Variants in RBFOX1 observed in about 807,000 individuals in gnomAD.
RBFOX1 encodes the protein RNA binding fox-1 homolog 1, also known as RNA binding protein fox-1 homolog 1.
RBFOX1 carries 8 observed loss-of-function variants against 57.7 expected under a neutral mutation model. The observed-to-expected ratio is 0.14, with a 90% CI of 0.08 to 0.25. The LOEUF (loss-of-function observed/expected upper bound fraction) is 0.25, where lower values mean the gene tolerates loss of function less well. Ranked by LOEUF, RBFOX1 falls within the 10% of genes least tolerant of loss-of-function variation. The pLI is 1.00. For missense variants in RBFOX1, 611 were observed against 548.5 expected, an observed-to-expected ratio of 1.11 and a Z score of -1.14; for synonymous variants, 326 against 222.4, an observed-to-expected ratio of 1.47 and a Z score of -4.15.
intron 12 of RBFOX1, among the ~76,000 whole-genome samples, chr16:7,657,111 A>T (rs145092709): frequency 5.2e-4 from 79 of 152,294 alleles, no homozygotes; most frequent in African/African-American, 1.9e-3. Context: ...TGTTACTAAA[A>T]TACCAGTCAA....
intron 1 of RBFOX1, among the ~76,000 whole-genome samples, chr16:6,229,392 C>T (rs760494822): frequency 2.3e-4 from 35 of 152,310 alleles, no homozygotes; most frequent in Non-Finnish European, 4.1e-4. Context: ...TCTTGTGGAT[C>T]TCGTTTTCCC....
intron 3 of RBFOX1, among the ~76,000 whole-genome samples, chr16:6,883,767 G>A (rs1042638508): frequency 6.6e-6 from 1 of 151,926 alleles, no homozygotes; most frequent in Non-Finnish European, 1.5e-5. Context: ...GATGTTGTGA[G>A]CTGAAAATAC....
chr16:6,805,874 A>G (rs1339955981), intron 3 of RBFOX1, among the ~76,000 whole-genome samples: 2 of 152,130 alleles, frequency 1.3e-5, no homozygotes, highest in Non-Finnish European at 2.9e-5. Context: ...GCTCTTTCCA[A>G]CACGAATCAC....
intron 1 of RBFOX1, among the ~76,000 whole-genome samples, chr16:5,376,508 G>C (rs752141455): frequency 2.0e-5 from 3 of 152,178 alleles, no homozygotes; most frequent in African/African-American, 4.8e-5. Context: ...GGGATGAGCA[G>C]ACAGGGCAGT....
intron 2 of RBFOX1, among the ~76,000 whole-genome samples, chr16:6,524,576 T>G (rs1212710032): frequency 6.6e-6 from 1 of 152,126 alleles, no homozygotes; most frequent in East Asian, 1.9e-4. Flanking sequence ...TGAGTTTGTT[T>G]TGTGTTAAAA....
intron 1 of RBFOX1, among the ~76,000 whole-genome samples, chr16:6,028,843 T>C (rs1397088763): frequency 6.6e-6 from 1 of 152,218 alleles, no homozygotes; most frequent in Non-Finnish European, 1.5e-5. Flanking sequence ...AGAAAAGCTT[T>C]GAGAAGACTG....
chr16:6,228,688 C>G (rs553328086), intron 1 of RBFOX1, among the ~76,000 whole-genome samples: 8 of 152,146 alleles, frequency 5.3e-5, no homozygotes, highest in Middle Eastern at 3.4e-3. Context: ...TGGTCGGGTA[C>G]AAAATTTCAG....
At chr16:5,642,911 C>G (rs1254347377) in intron 3 of RBFOX1, among the ~76,000 whole-genome samples, 1 of 152,178 alleles carries the variant, frequency 6.6e-6, no homozygotes, top group Non-Finnish European at 1.5e-5. Context: ...CCTTGCCTTT[C>G]TCACCTGTCA....
intron 4 of RBFOX1, among the ~76,000 whole-genome samples, chr16:7,485,792 C>T (rs534744985): frequency 2.2e-4 from 34 of 152,352 alleles, no homozygotes; most frequent in Non-Finnish European, 4.7e-4. Flanking sequence ...TGACTATCTT[C>T]TGTGGCTCTC....
At chr16:5,670,315 A>G (rs2049979633) in intron 3 of RBFOX1, among the ~76,000 whole-genome samples, 2 of 152,182 alleles carry the variant, frequency 1.3e-5, no homozygotes, top group Non-Finnish European at 2.9e-5. Context: ...ATTTAATCTT[A>G]TATGCATTTC....
At chr16:7,090,727 G>C (rs1599197334) in intron 4 of RBFOX1, among the ~76,000 whole-genome samples, 1 of 152,186 alleles carries the variant, frequency 6.6e-6, no homozygotes, top group South Asian at 2.1e-4. Context: ...CTTCCGGGCG[G>C]TTTTGATTCA....
chr16:5,487,185 C>A (rs1039087456), intron 2 of RBFOX1, among the ~76,000 whole-genome samples: 2 of 152,146 alleles, frequency 1.3e-5, no homozygotes, highest in Non-Finnish European at 2.9e-5. Flanking sequence ...TTCCTGGGAC[C>A]CATTATAGGT....
chr16:5,453,664 C>T (rs751574507), intron 1 of RBFOX1, among the ~76,000 whole-genome samples: 1 of 152,180 alleles, frequency 6.6e-6, no homozygotes, highest in Non-Finnish European at 1.5e-5. Flanking sequence ...TGAGTAATGG[C>T]ATCCAAAGCA....
chr16:5,825,340 C>G (rs981149761), intron 3 of RBFOX1, among the ~76,000 whole-genome samples: 1 of 152,202 alleles, frequency 6.6e-6, no homozygotes, highest in Admixed American at 6.5e-5. Context: ...CCTCCCCTCT[C>G]TATGCCACAT....
At chr16:6,886,655 T>G (rs1219804470) in intron 3 of RBFOX1, among the ~76,000 whole-genome samples, 1 of 151,874 alleles carries the variant, frequency 6.6e-6, no homozygotes, top group Admixed American at 6.6e-5. Flanking sequence ...CTCAGGAGGC[T>G]GAGGCACAAG....
intron 1 of RBFOX1, among the ~76,000 whole-genome samples, chr16:5,324,991 A>G (rs1408428613): frequency 6.6e-6 from 1 of 152,210 alleles, no homozygotes; most frequent in African/African-American, 2.4e-5. Context: ...TATCAGCAAG[A>G]TACAGTATTT....
chr16:5,884,455 C>G (rs1323375485), intron 4 of RBFOX1, among the ~76,000 whole-genome samples: 1 of 140,598 alleles, frequency 7.1e-6, no homozygotes, highest in Admixed American at 7.2e-5. Flanking sequence ...CCGCCCCCCG[C>G]TCCCCACCAC....
chr16:6,312,247 C>A (rs1353812987), intron 1 of RBFOX1, among the ~76,000 whole-genome samples: 1 of 152,140 alleles, frequency 6.6e-6, no homozygotes, highest in Non-Finnish European at 1.5e-5. Context: ...AGGAGGTGTT[C>A]TAGGTCCCAG....
intron 1 of RBFOX1, among the ~76,000 whole-genome samples, chr16:6,088,444 A>C (rs1023348018): frequency 6.6e-6 from 1 of 152,148 alleles, no homozygotes; most frequent in African/African-American, 2.4e-5. Context: ...AGATGAATAA[A>C]CAAATTAATC....
Sources: gnomAD v4.1 joint callset for allele counts (sites outside exome capture counted in the v4.1 genomes callset) on GRCh38, gnomAD v4.1.1 for gene constraint, MANE v1.5 for transcripts, NCBI Gene and HGNC (gene_info 2026-07-23, HGNC 2026-07-21) for gene names.